Variants in PEBP4 observed in about 807,000 individuals in gnomAD.
PEBP4 encodes phosphatidylethanolamine-binding protein 4.
Under a neutral mutation model 23.9 loss-of-function variants are expected in PEBP4, and 22 were observed. That is an observed-to-expected ratio of 0.92 (90% CI 0.66 to 1.31). The LOEUF (loss-of-function observed/expected upper bound fraction) is 1.31. PEBP4 is among the 40% of genes most tolerant of loss of function. The pLI is 0.00. For synonymous variants in PEBP4, 112 were observed against 99.3 expected, an observed-to-expected ratio of 1.13 and a Z score of -0.76; for missense variants, 324 against 281.7, an observed-to-expected ratio of 1.15 and a Z score of -1.07.
chr8:22,776,034 G>T (rs1161639655), intron 4 of PEBP4, among the ~76,000 whole-genome samples: 1 of 152,132 alleles, frequency 6.6e-6, no homozygotes. Context: ...TGTGGCAGGG[G>T]CTGCCTGGGG....
At chr8:22,900,194 G>A (rs1808684070) in intron 3 of PEBP4, among the ~76,000 whole-genome samples, 1 of 152,164 alleles carries the variant, frequency 6.6e-6, no homozygotes, top group East Asian at 1.9e-4. Context: ...ATGACTTATC[G>A]GGAGGTCACG....
intron 3 of PEBP4, among the ~76,000 whole-genome samples, chr8:22,826,111 T>C (rs548071647): frequency 5.3e-5 from 8 of 152,346 alleles, no homozygotes; most frequent in African/African-American, 1.9e-4. Flanking sequence ...AAGCTTGGTG[T>C]ACAATACCGT....
chr8:22,773,260 A>T (rs1473658740), intron 4 of PEBP4, among the ~76,000 whole-genome samples: 1 of 152,248 alleles, frequency 6.6e-6, no homozygotes, highest in African/African-American at 2.4e-5. Context: ...ATCGCAGCAC[A>T]AAAGGCAGTT....
intron 6 of PEBP4, among the ~76,000 whole-genome samples, chr8:22,719,643 G>A (rs1186933778): frequency 6.6e-6 from 1 of 152,246 alleles, no homozygotes; most frequent in African/African-American, 2.4e-5. Flanking sequence ...TTCCCTGGAA[G>A]TCAGAAGAAA....
intron 3 of PEBP4, among the ~76,000 whole-genome samples, chr8:22,819,753 C>T (rs540154971): frequency 2.2e-4 from 34 of 152,198 alleles, no homozygotes; most frequent in African/African-American, 8.2e-4. Context: ...ACTACAGGCG[C>T]CCGCCACCAC....
chr8:22,805,476 G>A (rs373181254), intron 4 of PEBP4, among the ~76,000 whole-genome samples: 16 of 152,318 alleles, frequency 1.1e-4, no homozygotes, highest in East Asian at 5.8e-4. Context: ...ACAGGCATGC[G>A]CCACCATGCC....
At chr8:22,783,275 A>G (rs115275617) in intron 4 of PEBP4, among the ~76,000 whole-genome samples, 2,191 of 152,234 alleles carry the variant, frequency 0.014, 51 homozygotes, top group African/African-American at 0.049. Flanking sequence ...TTGTGTTTTC[A>G]TTCTGTGTTC....
In PEBP4 at chr8:22,865,365, C is replaced by T. The variant is rs1350092537; in HGVS notation, c.259-47630G>A. On this transcript the variant is annotated intron_variant, in intron 3 of 6. Transcript: ENST00000256404. The surrounding 1 kb of genome is among the most constrained non-coding windows in gnomAD (Gnocchi z 6.9). The stretch of plus-strand genomic sequence containing the variant: ...CCCGCTGCCCACCCACGGGCGGTGA[C>T]GGTGGCGGTGGCGGTGGCGGCGGCG... 1.5e-3 allele frequency among the ~76,000 whole-genome samples: 2 copies of T among 1,312 alleles called. No homozygotes were observed. The highest frequency in any genetic ancestry group is 2.0e-3 in the African/African-American group (2 of 978). The allele number at this position is 1,312 out of a possible 152,430, so 0.9% of individuals were successfully genotyped here.
intron 4 of PEBP4, among the ~76,000 whole-genome samples, chr8:22,812,306 T>C (rs1245335699): frequency 2.0e-5 from 3 of 152,216 alleles, no homozygotes; most frequent in Admixed American, 1.3e-4. Context: ...ATTCACCTAA[T>C]GTACTTAGAG....
intron 3 of PEBP4, among the ~76,000 whole-genome samples, chr8:22,876,880 C>G (rs1420258858): frequency 6.6e-6 from 1 of 152,172 alleles, no homozygotes; most frequent in Admixed American, 6.5e-5. Flanking sequence ...CCCTTAACTG[C>G]TGTGTGAGGC....
rs146689715 is a variant in PEBP4 at position 22,762,709 on chromosome 8, A to C, written c.358-35489T>G. On this transcript the variant is annotated intron_variant, in intron 4 of 6. Transcript: ENST00000256404. Reference sequence around the variant, plus strand: ...GGCAAAGTGGGGCCATGTTCTCCCCAACTGTGACTTTCTCTTTCCCTCCCC... The same window carrying C: ...GGCAAAGTGGGGCCATGTTCTCCCCCACTGTGACTTTCTCTTTCCCTCCCC... 3.0e-3 allele frequency among the ~76,000 whole-genome samples: 460 copies of C among 152,168 alleles called. 4 individuals are homozygous for C. The highest frequency in any genetic ancestry group is 0.011 in the African/African-American group (440 of 41,532).
At chr8:22,834,228 C>T (rs1807152190) in intron 3 of PEBP4, among the ~76,000 whole-genome samples, 1 of 152,242 alleles carries the variant, frequency 6.6e-6, no homozygotes, top group Non-Finnish European at 1.5e-5. Flanking sequence ...GAGCCTCCCC[C>T]ACCAAGTTCT....
chr8:22,748,410 C>T (rs1805174955), intron 4 of PEBP4, among the ~76,000 whole-genome samples: 1 of 151,932 alleles, frequency 6.6e-6, no homozygotes, highest in Admixed American at 6.6e-5. Context: ...GATGCTGGGT[C>T]ACAGAACCCG....
chr8:22,751,111 A>G (rs1805246404), intron 4 of PEBP4, among the ~76,000 whole-genome samples: 1 of 152,212 alleles, frequency 6.6e-6, no homozygotes, highest in African/African-American at 2.4e-5. Flanking sequence ...GGTAAGACTC[A>G]GTGCTGGGTT....
intron 2 of PEBP4, among the ~76,000 whole-genome samples, chr8:22,921,967 G>A (rs781689079): frequency 3.3e-5 from 5 of 152,194 alleles, no homozygotes; most frequent in Non-Finnish European, 7.3e-5. Flanking sequence ...GAGGGTGGAG[G>A]GACGCCCTCA....
At chr8:22,737,955 C>T (rs924194685) in intron 4 of PEBP4, among the ~76,000 whole-genome samples, 3 of 151,640 alleles carry the variant, frequency 2.0e-5, no homozygotes, top group Non-Finnish European at 4.4e-5. Context: ...GGGGAGTAGA[C>T]GGCGTAGGGG....
chr8:22,795,624 C>A (rs1806237046), intron 4 of PEBP4, among the ~76,000 whole-genome samples: 1 of 152,194 alleles, frequency 6.6e-6, no homozygotes, highest in Admixed American at 6.5e-5. Context: ...CAATAAAGAT[C>A]ATTTTGTCAA....
intron 4 of PEBP4, among the ~76,000 whole-genome samples, chr8:22,753,996 T>C (rs1805323816): frequency 6.6e-6 from 1 of 151,938 alleles, no homozygotes; most frequent in Non-Finnish European, 1.5e-5. Flanking sequence ...GGGAAGAAGA[T>C]GGGAAAGTCT....
At chr8:22,848,545 T>C (rs1201761365) in intron 3 of PEBP4, among the ~76,000 whole-genome samples, 1 of 152,170 alleles carries the variant, frequency 6.6e-6, no homozygotes, top group Non-Finnish European at 1.5e-5. Flanking sequence ...AGCTGTGCTG[T>C]CTGACGGTGC....
Sources: gnomAD v4.1 joint callset for allele counts (sites outside exome capture counted in the v4.1 genomes callset) on GRCh38, gnomAD v4.1.1 for gene constraint, Gnocchi (gnomAD v3.1) non-coding constraint, MANE v1.5 for transcripts, NCBI Gene and HGNC (gene_info 2026-07-23, HGNC 2026-07-21) for gene names.